The following VPS41 variants were observed in gnomAD, a reference collection of about 807,000 sequenced individuals.
VPS41 encodes vacuolar protein sorting-associated protein 41 homolog.
Under a neutral mutation model 130.9 loss-of-function variants are expected in VPS41, and 85 were observed. The observed-to-expected ratio is 0.65, with a 90% CI of 0.55 to 0.78. VPS41 has a LOEUF of 0.78. Ranked by LOEUF, VPS41 falls within the 30% of genes least tolerant of loss-of-function variation. The pLI is 0.00. For synonymous variants in VPS41, 335 were observed against 332.9 expected (o/e 1.01, Z -0.07); for missense variants, 874 against 1,018.7 (o/e 0.86, Z 1.93).
chr7:38,881,659 C>A (rs991965951), intron 2 of VPS41, among the ~76,000 whole-genome samples: 1 of 152,116 alleles, frequency 6.6e-6, no homozygotes, highest in South Asian at 2.1e-4. Context: ...TGTGAGGACA[C>A]GGCATGGGAT....
chr7:38,837,048 T>C (rs1464885608), intron 4 of VPS41, among the ~76,000 whole-genome samples: 1 of 152,220 alleles, frequency 6.6e-6, no homozygotes, highest in Non-Finnish European at 1.5e-5. Context: ...AGCATCTAAA[T>C]GATAATTCTT....
chr7:38,733,556 A>T (rs565997447), intron 25 of VPS41, among the ~76,000 whole-genome samples: 1 of 152,324 alleles, frequency 6.6e-6, no homozygotes, highest in East Asian at 1.9e-4. Flanking sequence ...TTTCCAAAGT[A>T]TGTCTAACTG....
intron 8 of VPS41, 124 bp from the exon 9 acceptor site, chr7:38,795,735 C>T (rs1784606453): frequency 5.9e-6 from 5 of 849,018 alleles, no homozygotes; most frequent in Non-Finnish European, 8.5e-6. Flanking sequence ...GTTTACTGAG[C>T]ATGCAAGGAA....
At chr7:38,890,329 G>T (rs537201309) in intron 2 of VPS41, among the ~76,000 whole-genome samples, 1 of 152,138 alleles carries the variant, frequency 6.6e-6, no homozygotes, top group East Asian at 1.9e-4. Flanking sequence ...TGTATAAAAC[G>T]ACAAAATTAT....
Position 38,813,609 on chromosome 7 carries a change from C to A in VPS41, c.450+4208G>T, listed in dbSNP as rs771006726. 1.1e-3 allele frequency among the ~76,000 whole-genome samples: 169 copies of A among 152,264 alleles called. 4 individuals are homozygous for A. The highest frequency in any genetic ancestry group is 3.9e-4 in the East Asian group (2 of 5,190). The stretch of plus-strand genomic sequence containing the variant: ...TTACTTACACTGACATGGGTAATCA[C>A]GGGATTCCTCACTTTAAAATATCAT... On this transcript the variant is annotated intron_variant, in intron 7 of 28. Coordinates refer to ENST00000310301, the MANE Select transcript of VPS41 (RefSeq NM_014396.4).
chr7:38,741,666 C>T (rs552472156), intron 25 of VPS41, among the ~76,000 whole-genome samples: 1 of 152,294 alleles, frequency 6.6e-6, no homozygotes, highest in African/African-American at 2.4e-5. Context: ...ACTATAACTG[C>T]TTTCATACTC....
At chr7:38,833,766 C>T (rs75320709) in intron 4 of VPS41, among the ~76,000 whole-genome samples, 3,697 of 152,050 alleles carry the variant, frequency 0.024, 158 homozygotes, top group African/African-American at 0.084. Flanking sequence ...ATAAAAAATT[C>T]CAATTCAACA....
intron 17 of VPS41, among the ~76,000 whole-genome samples, chr7:38,758,699 T>C (rs1320197244): frequency 6.6e-6 from 1 of 152,146 alleles, no homozygotes; most frequent in Non-Finnish European, 1.5e-5. Context: ...CAGGATAGAC[T>C]GAGACAGGAT....
chr7:38,792,750 G>T (rs6462865), intron 9 of VPS41, among the ~76,000 whole-genome samples: 1 of 151,900 alleles, frequency 6.6e-6, no homozygotes, highest in African/African-American at 2.4e-5. Context: ...TCCTACCTCA[G>T]TCAAATTAAA....
chr7:38,832,126 C>T (rs897099081), intron 4 of VPS41, among the ~76,000 whole-genome samples: 3 of 151,816 alleles, frequency 2.0e-5, no homozygotes, highest in Non-Finnish European at 4.4e-5. Flanking sequence ...TGCTTGTTCA[C>T]TTCTCTTACT....
At chr7:38,763,626 A>G (rs1302500450) in intron 16 of VPS41, 79 bp from the exon 17 acceptor site, 5 of 880,258 alleles carry the variant, frequency 5.7e-6, no homozygotes, top group Non-Finnish European at 8.7e-6. Flanking sequence ...AGAAAACATA[A>G]AGTATATTTT....
At chr7:38,730,071 C>T (rs867032817) in intron 25 of VPS41, among the ~76,000 whole-genome samples, 2 of 152,168 alleles carry the variant, frequency 1.3e-5, no homozygotes. Flanking sequence ...TGCAGTTACA[C>T]ATGTCACATC....
At chr7:38,810,863 G>C (rs2116063112) in intron 7 of VPS41, among the ~76,000 whole-genome samples, 1 of 152,190 alleles carries the variant, frequency 6.6e-6, no homozygotes, top group South Asian at 2.1e-4. Context: ...ATTATTGCAA[G>C]GTTATAACCA....
chr7:38,875,377 C>T (rs752412001), intron 2 of VPS41, among the ~76,000 whole-genome samples: 3 of 151,990 alleles, frequency 2.0e-5, no homozygotes, highest in Non-Finnish European at 4.4e-5. Context: ...TAAAAAAGAA[C>T]CTGAAGGTAA....
chr7:38,794,315 T>C (rs1338733415), intron 9 of VPS41, among the ~76,000 whole-genome samples: 2 of 152,292 alleles, frequency 1.3e-5, no homozygotes, highest in East Asian at 3.9e-4. Context: ...TCAGGTTGTG[T>C]TCATGTAACA....
chr7:38,844,799 T>C (rs976281140), intron 4 of VPS41, among the ~76,000 whole-genome samples: 24 of 152,254 alleles, frequency 1.6e-4, no homozygotes, highest in East Asian at 5.8e-4. Context: ...TATGAGACCA[T>C]AGAAAATGAC....
intron 18 of VPS41, among the ~76,000 whole-genome samples, chr7:38,757,404 T>C (rs182575530): frequency 6.6e-6 from 1 of 152,306 alleles, no homozygotes; most frequent in East Asian, 1.9e-4. Flanking sequence ...TTAAGGGGGC[T>C]GTGTCTAACT....
chr7:38,850,420 T>C (rs1785829490), intron 4 of VPS41, among the ~76,000 whole-genome samples: 1 of 152,216 alleles, frequency 6.6e-6, no homozygotes, highest in South Asian at 2.1e-4. Context: ...GTTCCTTATG[T>C]AGGTAACATT....
At chr7:38,908,823 C>A (rs542143756) in intron 1 of VPS41, among the ~76,000 whole-genome samples, 1 of 152,352 alleles carries the variant, frequency 6.6e-6, no homozygotes, top group Non-Finnish European at 1.5e-5. Context: ...CCCGGCCTCT[C>A]TTCCTCCTCC....
Sources: gnomAD v4.1 joint callset for allele counts (sites outside exome capture counted in the v4.1 genomes callset) on GRCh38, gnomAD v4.1.1 for gene constraint, MANE v1.5 for transcripts, NCBI Gene and HGNC (gene_info 2026-07-23, HGNC 2026-07-21) for gene names.